The following SYCP2 variants were observed in gnomAD, a reference collection of about 807,000 sequenced individuals.
SYCP2 encodes synaptonemal complex protein 2, also known as synaptonemal complex lateral element protein.
SYCP2 carries 55 observed loss-of-function variants against 211.3 expected under a neutral mutation model. That is an observed-to-expected ratio of 0.26 (90% CI 0.21 to 0.33). The LOEUF (loss-of-function observed/expected upper bound fraction) is 0.33, where lower values mean the gene tolerates loss of function less well. SYCP2 is among the 10% of genes least tolerant of loss of function. SYCP2 has a pLI of 1.00. For synonymous variants in SYCP2, 570 were observed against 555.2 expected (o/e 1.03, Z -0.37); for missense variants, 1,731 against 1,752.0 (o/e 0.99, Z 0.21).
intron 20 of SYCP2, among the ~76,000 whole-genome samples, 179 bp downstream of exon 20, chr20:59,895,258 C>A (rs2059984553): frequency 6.6e-6 from 1 of 151,924 alleles, no homozygotes; most frequent in Non-Finnish European, 1.5e-5. Context: ...ATTGTAAGCA[C>A]AGTAAATGAG....
chr20:59,906,398 A>C (rs935041438), intron 15 of SYCP2, among the ~76,000 whole-genome samples: 1 of 152,114 alleles, frequency 6.6e-6, no homozygotes, highest in African/African-American at 2.4e-5. Flanking sequence ...AAATAGACAC[A>C]CTATTACAGA....
chr20:59,864,510 A>C (rs1600787944), intron 44 of SYCP2, 122 bp from the exon 45 acceptor site: 3 of 651,980 alleles, frequency 4.6e-6, no homozygotes, highest in Non-Finnish European at 5.3e-6. Flanking sequence ...AACTTCTTTC[A>C]TGAAGATATT....
intron 12 of SYCP2, 81 bp downstream of exon 12, chr20:59,913,894 G>T: frequency 1.0e-6 from 1 of 984,202 alleles, no homozygotes; most frequent in Non-Finnish European, 1.5e-6. Context: ...AAAGTTAAAT[G>T]TATAAAGATG....
intron 37 of SYCP2, 33 bp downstream of exon 37, chr20:59,868,802 C>A: frequency 6.5e-7 from 1 of 1,534,230 alleles, no homozygotes; most frequent in Non-Finnish European, 8.9e-7. Flanking sequence ...TTTCAGTAAT[C>A]ATTTTTTAAA....
chr20:59,913,455 T>C (rs1044524706), intron 12 of SYCP2, among the ~76,000 whole-genome samples: 1 of 152,140 alleles, frequency 6.6e-6, no homozygotes, highest in Non-Finnish European at 1.5e-5. Flanking sequence ...GCAAATTCTG[T>C]TTTTCTGTCG....
At chr20:59,876,165 G>A (rs1206039347) in intron 33 of SYCP2, among the ~76,000 whole-genome samples, 4 of 151,710 alleles carry the variant, frequency 2.6e-5, no homozygotes, top group Non-Finnish European at 4.4e-5. Context: ...GAGGTCAAGA[G>A]ATCGAGACCA....
rs775758350 is a variant in SYCP2 at position 59,882,145 on chromosome 20, GCTT to G, written c.2547_2549del (p.Lys849_Ser850delinsAsn). 2.0e-5 allele frequency: 32 copies of G among 1,612,246 alleles called. No individual in the cohort carries two copies. The highest frequency in any genetic ancestry group is 2.5e-5 in the Non-Finnish European group (30 of 1,179,072). Reference sequence around the variant, plus strand: ...CAAAGGTAGTCTTCAGTTTTCTGTAGCTTTTTTTCTGAACTTTTTCCTGAAAAG... The same window carrying G: ...CAAAGGTAGTCTTCAGTTTTCTGTAGTTTTTCTGAACTTTTTCCTGAAAAG... On this transcript the variant is annotated inframe_deletion, in exon 27 of 45. Transcript: ENST00000357552.
chr20:59,915,830 C>G, intron 8 of SYCP2: 1 of 198,126 alleles, frequency 5.0e-6, no homozygotes, highest in Non-Finnish European at 1.0e-5. Context: ...CCCGTCTCTA[C>G]CAAAAATACA....
chr20:59,902,989 T>C (rs556967945), intron 15 of SYCP2, among the ~76,000 whole-genome samples: 2 of 152,152 alleles, frequency 1.3e-5, no homozygotes, highest in Non-Finnish European at 1.5e-5. Flanking sequence ...TTTTTTTCTA[T>C]AGCTTACTGT....
At chr20:59,866,995 G>C (rs1461918458) in intron 39 of SYCP2, among the ~76,000 whole-genome samples, 61 of 119,510 alleles carry the variant, frequency 5.1e-4, no homozygotes, top group African/African-American at 1.8e-3. Flanking sequence ...TCTCTATTCA[G>C]ATTAGGTTGG....
chr20:59,892,629 T>C lies in SYCP2; in HGVS notation c.1866A>G (p.Thr622=), dbSNP rs750218973. 2 of 1,610,868 alleles carry C rather than the reference T, an allele frequency of 1.2e-6. No individual in the cohort carries two copies. Among genetic ancestry groups the C allele is most frequent in the Admixed American group, 1.7e-5 (1 of 59,650 alleles). The change falls in exon 23 of 45, where the codon ACA becomes ACG. Residue 622 remains threonine (T), a synonymous_variant. Transcript: ENST00000357552. ...HSKWACWTPV[T]NIELCNNQRA... is the part of the protein sequence containing the mutation. ...TTTGGTTATTACATAGTTCAATGTT[T>C]GTTACAGGTGTCCAACATGCCCATT... is the stretch of plus-strand genomic sequence containing the variant.
intron 15 of SYCP2, among the ~76,000 whole-genome samples, chr20:59,902,463 G>A (rs146552237): frequency 2.6e-5 from 4 of 152,062 alleles, no homozygotes; most frequent in African/African-American, 9.7e-5. Flanking sequence ...CACCATGCTC[G>A]TGTCCTACTT....
At position 59,882,181 on chromosome 20, in the gene SYCP2, T is replaced by C. The variant is rs1568926115; in HGVS notation, c.2530-16A>G. ...GAACTTTTTCCTGAAAAGAGGGTTATAAAAAAATCATTAAATGGCTAACAG... is the reference window on the plus strand; with the variant it reads ...GAACTTTTTCCTGAAAAGAGGGTTACAAAAAAATCATTAAATGGCTAACAG... On this transcript the variant is annotated splice_polypyrimidine_tract_variant and intron_variant, in intron 26 of 44. Coordinates refer to ENST00000357552, the MANE Select transcript of SYCP2 (RefSeq NM_014258.4). The C allele has an allele frequency of 1.9e-6, 3 of 1,586,074 alleles. No homozygotes were observed. Among genetic ancestry groups the C allele is most frequent in the Non-Finnish European group, 2.6e-6 (3 of 1,157,662 alleles).
intron 14 of SYCP2, among the ~76,000 whole-genome samples, chr20:59,908,412 C>T (rs1034353618): frequency 6.6e-6 from 1 of 152,276 alleles, no homozygotes; most frequent in African/African-American, 2.4e-5. Context: ...GATGACATCA[C>T]CACCTTTTTC....
intron 19 of SYCP2, 115 bp downstream of exon 19, chr20:59,896,314 C>T: frequency 1.7e-6 from 1 of 582,974 alleles, no homozygotes. Flanking sequence ...CATATTTTAT[C>T]AATTTTTATA....
intron 2 of SYCP2, among the ~76,000 whole-genome samples, chr20:59,925,527 T>G (rs2060618509): frequency 6.6e-6 from 1 of 152,112 alleles, no homozygotes; most frequent in Non-Finnish European, 1.5e-5. Flanking sequence ...CTAAGTTATC[T>G]GGTTATCAGT....
intron 15 of SYCP2, among the ~76,000 whole-genome samples, chr20:59,907,117 T>C (rs148847258): frequency 6.6e-6 from 1 of 152,106 alleles, no homozygotes. Context: ...GCCTTAAACA[T>C]AGAGACCAGA....
In SYCP2 at chr20:59,864,159, TAA is replaced by T. The variant is rs551507405; in HGVS notation, c.*150_*151del. The T allele has an allele frequency of 1.9e-4, 97 of 505,112 alleles. No homozygotes were observed. Among genetic ancestry groups the T allele is most frequent in the African/African-American group, 1.8e-3 (91 of 49,986 alleles). 31.3% of individuals were successfully genotyped at this position (505,112 alleles called of 1,614,324 possible). Reference sequence around the variant, plus strand: ...GTTATAGTGGTTCCCTCTCATCCATTAAAAGACATTTTTTTTTAATTTGAGGG... The same window carrying T: ...GTTATAGTGGTTCCCTCTCATCCATTAAGACATTTTTTTTTAATTTGAGGG... On this transcript the variant is annotated 3_prime_UTR_variant, in exon 45 of 45. Coordinates refer to ENST00000357552, the MANE Select transcript of SYCP2 (RefSeq NM_014258.4).
At chr20:59,894,540 C>T (rs2059971540) in intron 20 of SYCP2, among the ~76,000 whole-genome samples, 1 of 151,974 alleles carries the variant, frequency 6.6e-6, no homozygotes, top group Non-Finnish European at 1.5e-5. Context: ...TTACTATTAA[C>T]ACCAAGACTA....
Sources: gnomAD v4.1 joint callset for allele counts (sites outside exome capture counted in the v4.1 genomes callset) on GRCh38, gnomAD v4.1.1 for gene constraint, MANE v1.5 for transcripts, NCBI Gene and HGNC (gene_info 2026-07-23, HGNC 2026-07-21) for gene names.